The following MSRA variants were observed in gnomAD, a reference collection of about 807,000 sequenced individuals.
The protein encoded by MSRA is mitochondrial peptide methionine sulfoxide reductase.
A neutral mutation model predicts 31.3 loss-of-function variants in MSRA; 54 were observed. That is an observed-to-expected ratio of 1.73 (90% CI 1.39 to 2.17). The LOEUF is 2.17. MSRA is among the 30% of genes most tolerant of loss of function. MSRA has a pLI of 0.00. For missense variants in MSRA, 507 were observed against 300.9 expected (o/e 1.69, Z -5.07); for synonymous variants, 169 against 116.5 (o/e 1.45, Z -2.90).
chr8:10,177,939 G>A (rs1585101383), intron 1 of MSRA, among the ~76,000 whole-genome samples: 3 of 152,194 alleles, frequency 2.0e-5, no homozygotes, highest in South Asian at 4.1e-4. Context: ...CAAAAATAAA[G>A]TGACTTCACT....
chr8:10,189,410 C>G (rs1807327911), intron 1 of MSRA, among the ~76,000 whole-genome samples: 1 of 152,146 alleles, frequency 6.6e-6, no homozygotes, highest in Non-Finnish European at 1.5e-5. Context: ...AGTGTAAACC[C>G]TAGCTTCATT....
At chr8:10,138,356 A>G (rs1802446800) in intron 1 of MSRA, among the ~76,000 whole-genome samples, 1 of 152,208 alleles carries the variant, frequency 6.6e-6, no homozygotes. Flanking sequence ...TGTGGATGTC[A>G]CAGTGAAGGG....
chr8:10,146,893 A>G (rs1328822622), intron 1 of MSRA, among the ~76,000 whole-genome samples: 2 of 152,156 alleles, frequency 1.3e-5, no homozygotes, highest in African/African-American at 4.8e-5. Flanking sequence ...TATTTGCAAA[A>G]GGGAGCCATT....
chr8:10,061,888 C>A (rs1361850000), intron 1 of MSRA, among the ~76,000 whole-genome samples: 2 of 152,176 alleles, frequency 1.3e-5, no homozygotes, highest in Non-Finnish European at 2.9e-5. Context: ...CAGAGACTTG[C>A]TAGGCATCTG....
chr8:10,059,992 C>A (rs1228324759), intron 1 of MSRA, among the ~76,000 whole-genome samples: 1 of 152,208 alleles, frequency 6.6e-6, no homozygotes, highest in Non-Finnish European at 1.5e-5. Context: ...GAAAAATACA[C>A]TCTTGTACAT....
intron 1 of MSRA, among the ~76,000 whole-genome samples, chr8:10,129,639 C>A (rs1219951181): frequency 2.0e-5 from 3 of 152,084 alleles, no homozygotes; most frequent in African/African-American, 4.8e-5. Flanking sequence ...CTGTGCAGAT[C>A]AGAAGGGGTG....
At chr8:10,079,913 C>A (rs749245106) in intron 1 of MSRA, among the ~76,000 whole-genome samples, 10 of 152,192 alleles carry the variant, frequency 6.6e-5, no homozygotes, top group Non-Finnish European at 1.5e-4. Flanking sequence ...ATGAAAAGTG[C>A]TTGAAAGCGA....
In MSRA at chr8:10,138,068, T is replaced by G. The variant is rs561560770; in HGVS notation, c.143-69765T>G. Among the ~76,000 whole-genome samples the G allele has an allele frequency of 3.5e-4, 54 of 152,298 alleles. 1 individual carries two copies. In the South Asian group the frequency reaches 0.011, roughly 32 times the overall value. On this transcript the variant is annotated intron_variant, in intron 1 of 5. Transcript: ENST00000317173. The stretch of plus-strand genomic sequence containing the variant: ...CTCATTTCACTGGGTCACAGGCGTA[T>G]ATAGATGAAATAAGAGCCTTGGCTT...
At chr8:10,239,632 G>A (rs1313446506) in intron 2 of MSRA, among the ~76,000 whole-genome samples, 1 of 152,208 alleles carries the variant, frequency 6.6e-6, no homozygotes, top group Non-Finnish European at 1.5e-5. Context: ...AGAGTGCCCA[G>A]GCAATAGCTG....
chr8:10,329,349 G>T (rs750403935), intron 5 of MSRA, among the ~76,000 whole-genome samples: 1 of 152,174 alleles, frequency 6.6e-6, no homozygotes, highest in Non-Finnish European at 1.5e-5. Context: ...TCTGGTGGGT[G>T]CCACCATGCA....
intron 2 of MSRA, among the ~76,000 whole-genome samples, chr8:10,229,989 C>G (rs549090424): frequency 6.6e-6 from 1 of 152,316 alleles, no homozygotes; most frequent in African/African-American, 2.4e-5. Context: ...TTTTAGGAAT[C>G]CCTCCATTAT....
chr8:10,351,342 C>G (rs1015254781), intron 5 of MSRA, among the ~76,000 whole-genome samples: 11 of 149,658 alleles, frequency 7.4e-5, no homozygotes, highest in African/African-American at 2.7e-4. Context: ...CAACCTCTGC[C>G]TCTTGGGTTC....
At chr8:10,319,670 CT>C (rs1329053457) in intron 4 of MSRA, among the ~76,000 whole-genome samples, 1 of 151,610 alleles carries the variant, frequency 6.6e-6, no homozygotes, top group East Asian at 1.9e-4. Flanking sequence ...TTCAAAGATA[CT>C]TGTTGTAATT....
At chr8:10,248,032 A>G (rs1402987995) in intron 3 of MSRA, among the ~76,000 whole-genome samples, 1 of 152,180 alleles carries the variant, frequency 6.6e-6, no homozygotes, top group East Asian at 1.9e-4. Flanking sequence ...CTGGTGCTCA[A>G]AGCCTTGCTG....
rs186489595 is a variant in MSRA, at chr8:10,368,247, C to T, written c.543+48258C>T. Among the ~76,000 whole-genome samples the T allele has an allele frequency of 6.9e-4, 105 of 152,342 alleles. 1 individual carries two copies. The highest frequency in any genetic ancestry group is 8.5e-4 in the Admixed American group (13 of 15,304). ...TTTCTGAAGCTTAAAATACTTTTAA[C>T]GCATTTTTACAGAGTGAGTCATTTT... On this transcript the variant is annotated intron_variant, in intron 5 of 5. Coordinates refer to ENST00000317173, the MANE Select transcript of MSRA (RefSeq NM_012331.5).
At chr8:10,214,670 A>G (rs1809832916) in intron 2 of MSRA, among the ~76,000 whole-genome samples, 1 of 152,206 alleles carries the variant, frequency 6.6e-6, no homozygotes, top group South Asian at 2.1e-4. Flanking sequence ...TAGCGAAACA[A>G]TCTAAATTCA....
At chr8:10,395,278 A>AG (rs1807026126) in intron 5 of MSRA, among the ~76,000 whole-genome samples, 1 of 152,138 alleles carries the variant, frequency 6.6e-6, no homozygotes, top group Non-Finnish European at 1.5e-5. Context: ...CACATTGCAA[A>AG]GGGCTGCAGT....
At chr8:10,425,752 G>T (rs1563468335) in intron 5 of MSRA, among the ~76,000 whole-genome samples, 1 of 152,270 alleles carries the variant, frequency 6.6e-6, no homozygotes, top group East Asian at 1.9e-4. Flanking sequence ...ACACCTGTGG[G>T]CAAGAGCACA....
In MSRA at chr8:10,153,998, G is replaced by C. The variant is rs142935124; in HGVS notation, c.143-53835G>C. On this transcript the variant is annotated intron_variant, in intron 1 of 5. Coordinates refer to ENST00000317173, the MANE Select transcript of MSRA (RefSeq NM_012331.5). ...TCATGTGGATATTCAATGCCTTGTG[G>C]TCAAAGTTTAAATCAAAACCAATGT... Among the ~76,000 whole-genome samples, 434 of 152,280 alleles carry C rather than the reference G, an allele frequency of 2.9e-3. 4 individuals are homozygous for C. Among genetic ancestry groups the C allele is most frequent in the African/African-American group, 9.9e-3 (413 of 41,546 alleles).
Sources: allele counts gnomAD v4.1 joint callset (sites outside exome capture counted in the v4.1 genomes callset), GRCh38; gene constraint gnomAD v4.1.1; transcripts MANE v1.5; gene names NCBI Gene and HGNC (gene_info 2026-07-23, HGNC 2026-07-21).